MAP7: variants seen among roughly 807,000 people sequenced by gnomAD.
MAP7 encodes the protein microtubule associated protein 7, also known as ensconsin.
Under a neutral mutation model 94.8 loss-of-function variants are expected in MAP7, and 52 were observed. The ratio of observed to expected loss-of-function variants is 0.55; its 90% CI spans 0.44 to 0.69. The LOEUF is 0.69. MAP7 is among the 30% of genes least tolerant of loss of function. MAP7 has a pLI of 0.00. For synonymous variants in MAP7, 350 were observed against 357.0 expected, an observed-to-expected ratio of 0.98 and a Z score of 0.22; for missense variants, 940 against 964.6, an observed-to-expected ratio of 0.97 and a Z score of 0.34.
At chr6:136,402,026 A>G (rs1030318357) in intron 3 of MAP7, among the ~76,000 whole-genome samples, 2 of 152,168 alleles carry the variant, frequency 1.3e-5, no homozygotes, top group South Asian at 4.1e-4. Context: ...TAGTTCTCCT[A>G]CTGTTCCCTG....
intron 1 of MAP7, among the ~76,000 whole-genome samples, chr6:136,427,923 G>A (rs1487897977): frequency 6.6e-6 from 1 of 152,118 alleles, no homozygotes; most frequent in African/African-American, 2.4e-5. Context: ...TAAGATGTAT[G>A]ACCATGATAG....
chr6:136,368,067 AGAATTACAGTACCTTT>A (rs1222805210), intron 8 of MAP7, among the ~76,000 whole-genome samples: 1 of 152,144 alleles, frequency 6.6e-6, no homozygotes, highest in Non-Finnish European at 1.5e-5. Context: ...ATATAATCCT[AGAATTACAGTACCTTT>A]GAGCCAATTC....
rs116245122 is a variant in MAP7 at position 136,378,520 on chromosome 6, C to T, written c.638-652G>A. 4.5e-3 allele frequency among the ~76,000 whole-genome samples: 681 copies of T among 152,094 alleles called. 7 individuals are homozygous for T. The highest frequency in any genetic ancestry group is 0.016 in the African/African-American group (657 of 41,498). ...GTTCTTTCAGGTCCCTTTTTGGCAA[C>T]AATATAAAAAATTTGGCCAAGGACA... On this transcript the variant is annotated intron_variant, in intron 6 of 17. Transcript: ENST00000354570.
intron 2 of MAP7, among the ~76,000 whole-genome samples, chr6:136,419,076 G>A (rs1246314913): frequency 1.3e-5 from 2 of 152,174 alleles, no homozygotes; most frequent in Non-Finnish European, 1.5e-5. Flanking sequence ...GCCAATAAGG[G>A]TGGAAGAGAT....
At chr6:136,424,210 C>T (rs1432828129) in intron 1 of MAP7, among the ~76,000 whole-genome samples, 1 of 151,528 alleles carries the variant, frequency 6.6e-6, no homozygotes, top group Non-Finnish European at 1.5e-5. Context: ...ACCTGAAAAT[C>T]CTCATTAACT....
At chr6:136,361,721 C>A (rs949302334) in intron 11 of MAP7, among the ~76,000 whole-genome samples, 2 of 152,138 alleles carry the variant, frequency 1.3e-5, no homozygotes, top group Non-Finnish European at 2.9e-5. Flanking sequence ...TCTTATTAGG[C>A]CCAGAAGATG....
intron 3 of MAP7, among the ~76,000 whole-genome samples, chr6:136,409,604 C>T (rs934091675): frequency 6.6e-6 from 1 of 152,202 alleles, no homozygotes; most frequent in African/African-American, 2.4e-5. Context: ...TCTTCTATCC[C>T]TTTGAAAGGC....
Position 136,366,404 on chromosome 6 carries a change from G to A in MAP7, c.912C>T (p.Leu304=), listed in dbSNP as rs368803928. 42 of 1,613,836 alleles carry A rather than the reference G, an allele frequency of 2.6e-5. No homozygotes were observed. Among genetic ancestry groups the A allele is most frequent in the Non-Finnish European group, 3.4e-5 (40 of 1,179,814 alleles). The part of the protein sequence containing the change: ...YKKERERENV[L]FLTSGTRRAV... The stretch of plus-strand genomic sequence containing the variant: ...CCCTTCGGGTGCCAGATGTGAGGAA[G>A]AGTACATTTTCTCTCTCTCTTTCTT... The change falls in exon 9 of 18, where the codon CTC becomes CTT. Residue 304 remains leucine, a synonymous_variant. Transcript: ENST00000354570.
chr6:136,380,291 A>C (rs552196131), intron 6 of MAP7, among the ~76,000 whole-genome samples: 1 of 152,330 alleles, frequency 6.6e-6, no homozygotes, highest in East Asian at 1.9e-4. Context: ...GCGTGACATC[A>C]CTATTCCATT....
chr6:136,380,699 AC>A, intron 6 of MAP7, among the ~76,000 whole-genome samples: 1 of 152,266 alleles, frequency 6.6e-6, no homozygotes, highest in East Asian at 1.9e-4. Flanking sequence ...TCCAGCAATT[AC>A]AGAAACCTTT....
intron 1 of MAP7, among the ~76,000 whole-genome samples, chr6:136,445,813 G>A (rs543787815): frequency 1.3e-5 from 2 of 152,192 alleles, no homozygotes; most frequent in Non-Finnish European, 2.9e-5. Context: ...CAAACTAACA[G>A]CTGCGTAATG....
chr6:136,449,328 C>CG (rs1800389258), intron 1 of MAP7, among the ~76,000 whole-genome samples: 1 of 151,796 alleles, frequency 6.6e-6, no homozygotes, highest in African/African-American at 2.4e-5. Context: ...AAAACGAAAA[C>CG]AAAACAAAAA....
chr6:136,520,721 T>A (rs1273053603), intron 1 of MAP7, among the ~76,000 whole-genome samples: 1 of 152,212 alleles, frequency 6.6e-6, no homozygotes, highest in East Asian at 1.9e-4. Context: ...TGCCATGTGA[T>A]CTGATTCTAC....
intron 1 of MAP7, among the ~76,000 whole-genome samples, chr6:136,463,500 GT>G (rs1440473382): frequency 1.3e-5 from 2 of 151,940 alleles, no homozygotes; most frequent in African/African-American, 4.8e-5. Context: ...TTTCCAAAAT[GT>G]TCTTTAGTCT....
At chr6:136,533,395 G>A (rs925707957) in intron 1 of MAP7, among the ~76,000 whole-genome samples, 5 of 152,178 alleles carry the variant, frequency 3.3e-5, no homozygotes, top group African/African-American at 9.7e-5. Flanking sequence ...AATGAAGAGC[G>A]ATACTAAAGA....
Position 136,405,496 on chromosome 6 carries a change from G to A in MAP7, c.244+6124C>T, listed in dbSNP as rs1424182857. Among the ~76,000 whole-genome samples, 4 of 152,228 alleles carry A rather than the reference G, an allele frequency of 2.6e-5. No homozygotes were observed. In the East Asian group the frequency reaches 7.7e-4, roughly 29 times the overall value. On this transcript the variant is annotated intron_variant, in intron 3 of 17. Transcript: ENST00000354570. ...GAGTGCATTTGGCTGTAGTGTTTAA[G>A]AAACAGCAAGGAACCAGCATGGCTG...
intron 7 of MAP7, among the ~76,000 whole-genome samples, chr6:136,375,381 G>A (rs1305071505): frequency 6.6e-6 from 1 of 152,230 alleles, no homozygotes; most frequent in African/African-American, 2.4e-5. Flanking sequence ...TGTATTGTTT[G>A]TGCAGGGAGT....
At chr6:136,541,879 C>T (rs1321867409) in intron 1 of MAP7, among the ~76,000 whole-genome samples, 3 of 151,990 alleles carry the variant, frequency 2.0e-5, no homozygotes, top group African/African-American at 7.2e-5. Flanking sequence ...GCCAACACGG[C>T]AAAACCCCCT....
At position 136,383,675 on chromosome 6, in the gene MAP7, A is replaced by C. The variant is rs1778409589; in HGVS notation, c.633T>G (p.Asp211Glu). ...TTGTTTTCCTTTGGACTGTACCTCTATCTGGAGAATTTAGTAAAGTTGCAG... is the reference window on the plus strand; with the variant it reads ...TTGTTTTCCTTTGGACTGTACCTCTCTCTGGAGAATTTAGTAAAGTTGCAG... ...SSSATLLNSP[D>E]RARRLQLSPW... is the part of the protein sequence containing the mutation. Residue 211 changes from aspartate to glutamate, a missense_variant, in exon 6 of 18, where the codon GAT becomes GAG. By Grantham distance (45) the Asp-to-Glu change is conservative. Transcript: ENST00000354570. 1 of 1,580,232 alleles carries C rather than the reference A, an allele frequency of 6.3e-7. No individual in the cohort carries two copies. The highest frequency in any genetic ancestry group is 1.7e-4 in the Middle Eastern group (1 of 6,004).
Sources: allele counts gnomAD v4.1 joint callset (sites outside exome capture counted in the v4.1 genomes callset), GRCh38; gene constraint gnomAD v4.1.1; transcripts MANE v1.5; gene names NCBI Gene and HGNC (gene_info 2026-07-23, HGNC 2026-07-21).